GLRA2: variants seen among roughly 807,000 people sequenced by gnomAD.
GLRA2 encodes glycine receptor alpha 2.
In GLRA2, 11 loss-of-function variants were observed where a neutral mutation model predicts 31.6. The observed-to-expected ratio is 0.35, with a 90% CI of 0.22 to 0.58. The LOEUF is 0.58. Among genes scored for constraint, GLRA2 ranks in the 20% least tolerant of loss-of-function variants. The pLI is 0.84. For synonymous variants in GLRA2, 132 were observed against 134.0 expected (o/e 0.99, Z 0.10); for missense variants, 212 against 351.8 (o/e 0.60, Z 3.18).
chrX:14,487,804 A>G, the GLRA2 span, among the ~76,000 whole-genome samples: 1 of 111,941 alleles, frequency 8.9e-6, no homozygotes, highest in Non-Finnish European at 1.9e-5. Context: ...CCTACTTTCT[A>G]GGTCCTTTAC....
At chrX:14,490,720 A>G in the GLRA2 span, among the ~76,000 whole-genome samples, 1 of 111,946 alleles carries the variant, frequency 8.9e-6, no homozygotes, top group Non-Finnish European at 1.9e-5. Context: ...AATCGGTGGT[A>G]GTGGCTTCTT....
the GLRA2 span, among the ~76,000 whole-genome samples, chrX:14,479,080 C>G: frequency 9.2e-6 from 1 of 109,244 alleles, no homozygotes; most frequent in African/African-American, 3.3e-5. Context: ...ACAAAGAATG[C>G]CGGAATGAGA....
At chrX:14,700,128 G>C (rs1381972500) in intron 8 of GLRA2, among the ~76,000 whole-genome samples, 1 of 111,797 alleles carries the variant, frequency 8.9e-6, no homozygotes, top group Non-Finnish European at 1.9e-5. Context: ...TGAAATGTGA[G>C]AGATGGAGGT....
the GLRA2 span, among the ~76,000 whole-genome samples, chrX:14,472,047 T>C: frequency 1.8e-5 from 2 of 111,874 alleles, no homozygotes; most frequent in Non-Finnish European, 3.8e-5. Flanking sequence ...AACGAATACA[T>C]CCCTCCTCAA....
the GLRA2 span, among the ~76,000 whole-genome samples, chrX:14,468,226 G>A: frequency 3.0e-4 from 34 of 112,389 alleles, no homozygotes; most frequent in Non-Finnish European, 5.4e-4. Context: ...CAATGCCAAA[G>A]CTGCTATTAT....
At chrX:14,669,604 C>A (rs913528917) in intron 7 of GLRA2, among the ~76,000 whole-genome samples, 17 of 112,058 alleles carry the variant, frequency 1.5e-4, no homozygotes, top group Admixed American at 1.9e-4. Flanking sequence ...CACGTGGAAG[C>A]TGCCAAGGCT....
chrX:14,500,571 C>T, the GLRA2 span, among the ~76,000 whole-genome samples: 1 of 112,148 alleles, frequency 8.9e-6, no homozygotes, highest in Non-Finnish European at 1.9e-5. Flanking sequence ...GGACAGGTCT[C>T]CTGACAGGGA....
chrX:14,561,500 A>G (rs1178457264), intron 2 of GLRA2, among the ~76,000 whole-genome samples: 1 of 112,481 alleles, frequency 8.9e-6, no homozygotes, highest in Non-Finnish European at 1.9e-5. Context: ...TTTTCACTAC[A>G]AAAGCAGAAT....
intron 8 of GLRA2, among the ~76,000 whole-genome samples, chrX:14,701,914 C>G (rs2091546970): frequency 8.9e-6 from 1 of 111,816 alleles, no homozygotes; most frequent in African/African-American, 3.3e-5. Flanking sequence ...TAGACAGGCT[C>G]AGACAAATAT....
chrX:14,714,313 C>T (rs1007246716), intron 8 of GLRA2, among the ~76,000 whole-genome samples: 3 of 111,214 alleles, frequency 2.7e-5, no homozygotes, highest in Non-Finnish European at 5.7e-5. Context: ...CGGGGTGCTA[C>T]TGGCATCTAG....
At chrX:14,490,084 G>A in the GLRA2 span, among the ~76,000 whole-genome samples, 1 of 111,003 alleles carries the variant, frequency 9.0e-6, no homozygotes, top group Non-Finnish European at 1.9e-5. Context: ...TCCCTGGATA[G>A]AGACAGTGCC....
At position 14,596,454 on chromosome X, in the gene GLRA2, C is replaced by T. The variant is rs776421638; in HGVS notation, c.495-7861C>T. Among the ~76,000 whole-genome samples, 7 of 110,412 alleles carry T rather than the reference C, an allele frequency of 6.3e-5. No homozygotes were observed. The East Asian group carries it at 1.7e-3, about 27-fold the overall frequency. The stretch of plus-strand genomic sequence containing the variant: ...ATACCTCTCCAATGTGACTGAAGCC[C>T]ATGATTAACACCCCCAACTTGTATC... On this transcript the variant is annotated intron_variant, in intron 4 of 8. Coordinates refer to ENST00000218075, the MANE Select transcript of GLRA2 (RefSeq NM_002063.4).
At chrX:14,686,838 G>A (rs2091284283) in intron 7 of GLRA2, among the ~76,000 whole-genome samples, 1 of 111,544 alleles carries the variant, frequency 9.0e-6, no homozygotes, top group Non-Finnish European at 1.9e-5. Context: ...ATTGTCATGT[G>A]TGAATTTGAT....
At chrX:14,636,912 T>C (rs777346494) in intron 7 of GLRA2, among the ~76,000 whole-genome samples, 1 of 112,106 alleles carries the variant, frequency 8.9e-6, no homozygotes, top group South Asian at 3.7e-4. Flanking sequence ...CAAAATGGAC[T>C]GGAAGGCTGG....
Position 14,730,594 on chromosome X carries a change from GAGGGAGGGTCATGGGGGT to G in GLRA2, c.*110_*127del. Reference sequence around the variant, plus strand: ...CAGAGGAGAAGATTGAGGGAGGGGGGAGGGAGGGTCATGGGGGTGGGTTTCCTGGCACCTACATGAAAA... The same window carrying G: ...CAGAGGAGAAGATTGAGGGAGGGGGGGGGTTTCCTGGCACCTACATGAAAA... On this transcript the variant is annotated 3_prime_UTR_variant, in exon 9 of 9. Transcript: ENST00000218075. 2 of 108,954 alleles carry G rather than the reference GAGGGAGGGTCATGGGGGT, an allele frequency of 1.8e-5. No homozygotes were observed. The highest frequency in any genetic ancestry group is 2.8e-4 in the South Asian group (1 of 3,585). The allele number at this position is 108,954 out of a possible 1,213,427, so 9.0% of individuals were successfully genotyped here.
At chrX:14,620,004 T>G (rs1488575888) in intron 7 of GLRA2, among the ~76,000 whole-genome samples, 1 of 63,461 alleles carries the variant, frequency 1.6e-5, no homozygotes, top group Non-Finnish European at 3.4e-5. Flanking sequence ...CGCCCCCCCG[T>G]TTTTTTTTTT....
At chrX:14,717,367 TATC>T (rs2091804116) in intron 8 of GLRA2, among the ~76,000 whole-genome samples, 1 of 109,312 alleles carries the variant, frequency 9.1e-6, no homozygotes, top group African/African-American at 3.3e-5. Context: ...AAAAAGTAGA[TATC>T]AAGTCCTTTA....
chrX:14,633,053 G>A (rs12853126), intron 7 of GLRA2, among the ~76,000 whole-genome samples: 1 of 111,645 alleles, frequency 9.0e-6, no homozygotes, highest in Admixed American at 9.5e-5. Flanking sequence ...AAACAAATGA[G>A]CATGGTTATG....
chrX:14,652,037 C>A (rs767592106), intron 7 of GLRA2, among the ~76,000 whole-genome samples: 1 of 111,393 alleles, frequency 9.0e-6, no homozygotes, highest in African/African-American at 3.3e-5. Flanking sequence ...GAGAAAGCAG[C>A]CATTCACAAG....
Sources: gnomAD v4.1 joint callset for allele counts (sites outside exome capture counted in the v4.1 genomes callset) on GRCh38, gnomAD v4.1.1 for gene constraint, MANE v1.5 for transcripts, NCBI Gene and HGNC (gene_info 2026-07-23, HGNC 2026-07-21) for gene names.